The following PATL1 variants were observed in gnomAD, a reference collection of about 807,000 sequenced individuals.
PATL1 encodes protein PAT1 homolog 1.
PATL1 carries 32 observed loss-of-function variants against 100.6 expected under a neutral mutation model. The observed-to-expected ratio is 0.32, with a 90% CI of 0.24 to 0.43. The LOEUF is 0.43. Ranked by LOEUF, PATL1 falls within the 20% of genes least tolerant of loss-of-function variation. PATL1 has a pLI of 1.00. For missense variants in PATL1, 747 were observed against 949.9 expected, an observed-to-expected ratio of 0.79 and a Z score of 2.81; for synonymous variants, 332 against 330.0, an observed-to-expected ratio of 1.01 and a Z score of -0.07.
chr11:59,650,698 A>G, intron 13 of PATL1, 56 bp downstream of exon 13: 1 of 1,264,724 alleles, frequency 7.9e-7, no homozygotes, highest in Non-Finnish European at 1.1e-6. Flanking sequence ...TAGTATATAC[A>G]TACATTTGAC....
rs1289851393 is a variant in PATL1, at chr11:59,637,306, G to A, written c.*1084C>T. ...CCCAGGCCCCTGGCTGCCTGGGAAC[G>A]GGACTTGGGTGAGATGAAGTAGTAA... On this transcript the variant is annotated 3_prime_UTR_variant, in exon 19 of 19. Transcript: ENST00000300146. The A allele has an allele frequency of 2.6e-5, 4 of 152,484 alleles. No homozygotes were observed. Among genetic ancestry groups the A allele is most frequent in the African/African-American group, 9.7e-5 (4 of 41,440 alleles). The allele number at this position is 152,484 out of a possible 1,614,324, so 9.4% of individuals were successfully genotyped here.
At chr11:59,663,142 T>C (rs1861648908) in intron 2 of PATL1, among the ~76,000 whole-genome samples, 1 of 152,138 alleles carries the variant, frequency 6.6e-6, no homozygotes, top group Non-Finnish European at 1.5e-5. Flanking sequence ...GAGTCCATTA[T>C]TGGTCAAAAT....
At chr11:59,649,662 ATTAG>A in intron 13 of PATL1, 52 bp from the exon 14 acceptor site, 1 of 1,557,330 alleles carries the variant, frequency 6.4e-7, no homozygotes, top group Non-Finnish European at 8.7e-7. Flanking sequence ...GAACCACAGT[ATTAG>A]TTAAACAATT....
chr11:59,668,973 G>A lies in PATL1; in HGVS notation c.-78C>T. 3.1e-6 allele frequency: 1 copy of A among 323,150 alleles called. No individual in the cohort carries two copies. The highest frequency in any genetic ancestry group is 5.9e-6 in the Non-Finnish European group (1 of 170,500). 20.0% of individuals were successfully genotyped at this position (323,150 alleles called of 1,614,324 possible). ...AGCGCTGACTCCCCGGCTCCTCCGC[G>A]CGCGGGTCCTCCACCGGCTCGCGAC... On this transcript the variant is annotated 5_prime_UTR_variant, in exon 1 of 19. Transcript: ENST00000300146.
chr11:59,661,760 A>G (rs930151638), intron 2 of PATL1, among the ~76,000 whole-genome samples: 6 of 152,236 alleles, frequency 3.9e-5, no homozygotes, highest in Admixed American at 2.6e-4. Flanking sequence ...TGTTAAGTTT[A>G]TAAAGTTAAC....
Position 59,652,958 on chromosome 11 carries a change from A to G in PATL1, c.1182T>C (p.Asp394=). ...TGGCATATGGATCCTTTCGGAGATG[A>G]TCTTGATGACTGCTCCGGTGACTTC... ...DRGSHRSSHQ[D]HLRKDPYANL... The change falls in exon 10 of 19, where the codon GAT becomes GAC. Residue 394 remains aspartate (D), a synonymous_variant. Transcript: ENST00000300146. 6.2e-7 allele frequency: 1 copy of G among 1,613,946 alleles called. No individual in the cohort carries two copies. Among genetic ancestry groups the G allele is most frequent in the Non-Finnish European group, 8.5e-7 (1 of 1,179,882 alleles).
intron 13 of PATL1, 48 bp downstream of exon 13, chr11:59,650,706 G>T: frequency 7.5e-7 from 1 of 1,333,926 alleles, no homozygotes; most frequent in South Asian, 1.3e-5. Flanking sequence ...ACATACATTT[G>T]ACAGTTCCGT....
intron 6 of PATL1, 65 bp from the exon 7 acceptor site, chr11:59,656,110 A>C: frequency 1.0e-6 from 1 of 955,002 alleles, no homozygotes; most frequent in Non-Finnish European, 1.5e-6. Flanking sequence ...CATAATAAGG[A>C]AACTCAGCAG....
At position 59,646,659 on chromosome 11, in the gene PATL1, T is replaced by TA. The variant is rs1861369574; in HGVS notation, c.1893+1094dup. ...CTGTGTTTTCTGGGGACTCATTACTTAGATCGTTATTACTCAACTTGTAGT... is the reference window on the plus strand; with the variant it reads ...CTGTGTTTTCTGGGGACTCATTACTTAAGATCGTTATTACTCAACTTGTAGT... On this transcript the variant is annotated intron_variant, in intron 15 of 18. Transcript: ENST00000300146. Among the ~76,000 whole-genome samples, 5 of 152,346 alleles carry TA rather than the reference T, an allele frequency of 3.3e-5. No individual in the cohort carries two copies. In the South Asian group the frequency reaches 1.0e-3, roughly 32 times the overall value.
chr11:59,668,451 CAGTGTAATTCG>C (rs1485866488), intron 1 of PATL1, among the ~76,000 whole-genome samples: 3 of 152,054 alleles, frequency 2.0e-5, no homozygotes, highest in African/African-American at 7.2e-5. Flanking sequence ...GGATGTGTGT[CAGTGTAATTCG>C]AGTGGAGGTG....
intron 13 of PATL1, among the ~76,000 whole-genome samples, chr11:59,650,542 A>C (rs1171289265): frequency 6.6e-6 from 1 of 152,216 alleles, no homozygotes; most frequent in East Asian, 1.9e-4. Context: ...TTCCAACTTT[A>C]ACTGCAGTGT....
chr11:59,653,187 A>G (rs1233216727), intron 9 of PATL1, among the ~76,000 whole-genome samples, 169 bp from the exon 10 acceptor site: 1 of 152,060 alleles, frequency 6.6e-6, no homozygotes, highest in African/African-American at 2.4e-5. Context: ...AAGAGGAAAG[A>G]GCTATGTAAT....
intron 4 of PATL1, among the ~76,000 whole-genome samples, chr11:59,658,175 AAAG>A (rs1861565903): frequency 9.2e-6 from 1 of 108,286 alleles, no homozygotes; most frequent in South Asian, 2.2e-4. Context: ...AAAAAAAAAA[AAAG>A]AAAGAAAGAG....
In PATL1 at chr11:59,638,336, G is replaced by A; in HGVS notation, c.*54C>T. 1 of 1,564,932 alleles carries A rather than the reference G, an allele frequency of 6.4e-7. No homozygotes were observed. Among genetic ancestry groups the A allele is most frequent in the Non-Finnish European group, 8.8e-7 (1 of 1,137,824 alleles). The stretch of plus-strand genomic sequence containing the variant: ...TCATTAAAAACACTCCATTGGTGAT[G>A]GCAGCAGTGCAGGTGGCAGCCAAAA... On this transcript the variant is annotated 3_prime_UTR_variant, in exon 19 of 19. Coordinates refer to ENST00000300146, the MANE Select transcript of PATL1 (RefSeq NM_152716.3).
At position 59,666,970 on chromosome 11, in the gene PATL1, A is replaced by C; in HGVS notation, c.16-6T>G. ...AGAGGACAATCCTCCAAAGACTAAA[A>C]AAAAAGAAAAGACATTAGTTATTCA... is the stretch of plus-strand genomic sequence containing the variant. On this transcript the variant is annotated splice_polypyrimidine_tract_variant and splice_region_variant and intron_variant, in intron 1 of 18. Coordinates refer to ENST00000300146, the MANE Select transcript of PATL1 (RefSeq NM_152716.3). 1 of 1,537,468 alleles carries C rather than the reference A, an allele frequency of 6.5e-7. No homozygotes were observed. Among genetic ancestry groups the C allele is most frequent in the Non-Finnish European group, 8.7e-7 (1 of 1,143,674 alleles).
chr11:59,642,470 A>G (rs12291415), intron 16 of PATL1, among the ~76,000 whole-genome samples: 1 of 152,188 alleles, frequency 6.6e-6, no homozygotes, highest in East Asian at 1.9e-4. Context: ...AACTCCTGGA[A>G]AAGGTCTCAA....
chr11:59,656,543 G>T lies in PATL1; in HGVS notation c.679C>A (p.Pro227Thr). ...RPPMPPRYPAPYGERMSPNQL... is the reference protein window; with the variant it reads ...RPPMPPRYPATYGERMSPNQL... ...TTTGGAGACATCCTCTCACCATAGG[G>T]AGCAGGATAACGAGGTGGCATTGGG... Residue 227 changes from proline to threonine, a missense_variant, in exon 6 of 19, where the codon CCC becomes ACC. Pro to Thr is a conservative substitution (Grantham distance 38, BLOSUM62 -1). Transcript: ENST00000300146. 5 of 1,613,978 alleles carry T rather than the reference G, an allele frequency of 3.1e-6. No homozygotes were observed. Among genetic ancestry groups the T allele is most frequent in the Non-Finnish European group, 4.2e-6 (5 of 1,179,878 alleles).
chr11:59,649,690 C>A, intron 13 of PATL1, 80 bp from the exon 14 acceptor site: 2 of 1,371,492 alleles, frequency 1.5e-6, no homozygotes, highest in Non-Finnish European at 2.0e-6. Flanking sequence ...CAGTTTAGGA[C>A]TACTAGCTAA....
intron 1 of PATL1, among the ~76,000 whole-genome samples, chr11:59,667,400 A>T (rs1275176801): frequency 1.3e-5 from 2 of 152,170 alleles, no homozygotes; most frequent in Non-Finnish European, 2.9e-5. Context: ...CATCTTTTCA[A>T]CTATTATTCC....
Sources: allele counts gnomAD v4.1 joint callset (sites outside exome capture counted in the v4.1 genomes callset), GRCh38; gene constraint gnomAD v4.1.1; transcripts MANE v1.5; gene names NCBI Gene and HGNC (gene_info 2026-07-23, HGNC 2026-07-21).